RFC3: variants seen among roughly 807,000 people sequenced by gnomAD.
RFC3 encodes the protein replication factor C subunit 3, also known as A1 38 kDa subunit.
A neutral mutation model predicts 45.1 loss-of-function variants in RFC3; 41 were observed. That is an observed-to-expected ratio of 0.91 (90% confidence interval 0.71 to 1.18). The LOEUF (loss-of-function observed/expected upper bound fraction) is 1.18, where lower values mean the gene tolerates loss of function less well. Among genes scored for constraint, RFC3 ranks in the 50% most tolerant of loss-of-function variants. RFC3 has a pLI of 0.00. For missense variants in RFC3, 423 were observed against 428.1 expected (o/e 0.99, Z 0.10); for synonymous variants, 149 against 144.0 (o/e 1.03, Z -0.25).
intron 8 of RFC3, among the ~76,000 whole-genome samples, chr13:33,907,200 G>T (rs1223650719): frequency 2.0e-5 from 3 of 152,092 alleles, no homozygotes; most frequent in East Asian, 1.9e-4. Context: ...AATCATTTGT[G>T]GGGTAGAGAC....
At chr13:33,893,508 A>G (rs1185266186) in intron 8 of RFC3, among the ~76,000 whole-genome samples, 2 of 152,080 alleles carry the variant, frequency 1.3e-5, no homozygotes, top group African/African-American at 2.4e-5. Flanking sequence ...GGGTACTATG[A>G]CCTCTTCAAT....
At chr13:33,897,859 AAAATACAAC>A (rs2082611793) in intron 8 of RFC3, among the ~76,000 whole-genome samples, 1 of 152,076 alleles carries the variant, frequency 6.6e-6, no homozygotes, top group African/African-American at 2.4e-5. Context: ...AATCACCAAG[AAAATACAAC>A]AATTATAAAT....
chr13:33,833,170 A>G (rs2082119789), intron 7 of RFC3, among the ~76,000 whole-genome samples: 1 of 152,152 alleles, frequency 6.6e-6, no homozygotes, highest in Non-Finnish European at 1.5e-5. Context: ...CACAATTCCA[A>G]ATGATTACTT....
At chr13:33,976,652 T>C in the RFC3 span, among the ~76,000 whole-genome samples, 2 of 152,144 alleles carry the variant, frequency 1.3e-5, no homozygotes, top group African/African-American at 2.4e-5. Context: ...TGTATACAGG[T>C]ATCAAAATAT....
intron 4 of RFC3, among the ~76,000 whole-genome samples, chr13:33,826,844 C>T (rs2082053937): frequency 6.6e-6 from 1 of 151,880 alleles, no homozygotes; most frequent in African/African-American, 2.4e-5. Context: ...TTATGTTGGC[C>T]AACCCTCCAA....
chr13:33,848,426 A>G (rs1451964573), intron 8 of RFC3: 1 of 152,228 alleles, frequency 6.6e-6, no homozygotes, highest in African/African-American at 2.4e-5. Flanking sequence ...CCACATCCAG[A>G]CATGAGGTGC....
At chr13:33,886,755 G>A in intron 8 of RFC3, among the ~76,000 whole-genome samples, 1 of 144,286 alleles carries the variant, frequency 6.9e-6, no homozygotes, top group African/African-American at 2.6e-5. Flanking sequence ...TTTAGCATTA[G>A]GTATATCTCC....
At chr13:33,965,374 C>A (rs2083081243) in intron 8 of RFC3, among the ~76,000 whole-genome samples, 1 of 152,014 alleles carries the variant, frequency 6.6e-6, no homozygotes, top group African/African-American at 2.4e-5. Context: ...AATACCATTG[C>A]CAAGAGTATT....
At chr13:33,963,896 A>G (rs1201129876) in intron 8 of RFC3, among the ~76,000 whole-genome samples, 3 of 152,232 alleles carry the variant, frequency 2.0e-5, no homozygotes. Context: ...AATGTGAAAA[A>G]TGTGATAATC....
At chr13:33,858,885 ATC>A (rs925995557) in intron 8 of RFC3, among the ~76,000 whole-genome samples, 19 of 152,270 alleles carry the variant, frequency 1.2e-4, no homozygotes, top group African/African-American at 3.6e-4. Flanking sequence ...TTTCTTGGAC[ATC>A]TCTTTTTCTT....
chr13:33,899,371 G>A (rs1282028727), intron 8 of RFC3, among the ~76,000 whole-genome samples: 1 of 151,656 alleles, frequency 6.6e-6, no homozygotes, highest in Non-Finnish European at 1.5e-5. Flanking sequence ...ATGCAAGGAT[G>A]GTTCAACATA....
At chr13:33,922,299 A>G (rs1486935065) in intron 8 of RFC3, among the ~76,000 whole-genome samples, 1 of 152,102 alleles carries the variant, frequency 6.6e-6, no homozygotes, top group Non-Finnish European at 1.5e-5. Flanking sequence ...GATCAACACC[A>G]CAATCTAATT....
chr13:33,960,041 G>A (rs534119851), intron 8 of RFC3, among the ~76,000 whole-genome samples: 2 of 152,188 alleles, frequency 1.3e-5, no homozygotes, highest in African/African-American at 4.8e-5. Context: ...CAGCTCCCAT[G>A]TGAACTCACT....
intron 8 of RFC3, among the ~76,000 whole-genome samples, chr13:33,874,073 T>C (rs551641371): frequency 3.3e-5 from 5 of 152,228 alleles, no homozygotes; most frequent in African/African-American, 1.2e-4. Context: ...CATCCTACTT[T>C]GGGAATAACT....
At chr13:33,818,297 G>T in intron 1 of RFC3, 32 bp downstream of exon 1, 2 of 1,591,724 alleles carry the variant, frequency 1.3e-6, no homozygotes, top group Non-Finnish European at 1.7e-6. Context: ...GCGTGGGAGA[G>T]GGGAGGCCCC....
At chr13:33,860,489 A>G (rs2082334069) in intron 8 of RFC3, among the ~76,000 whole-genome samples, 1 of 151,994 alleles carries the variant, frequency 6.6e-6, no homozygotes. Context: ...AGGCATTCCC[A>G]GTTGCCTCCA....
At chr13:33,885,208 A>G (rs1352276784) in intron 8 of RFC3, among the ~76,000 whole-genome samples, 2 of 152,228 alleles carry the variant, frequency 1.3e-5, no homozygotes, top group Non-Finnish European at 2.9e-5. Flanking sequence ...GAATTCTATC[A>G]TGGTATCACA....
chr13:33,827,689 A>G (rs1566379732), intron 4 of RFC3, among the ~76,000 whole-genome samples: 1 of 152,230 alleles, frequency 6.6e-6, no homozygotes, highest in South Asian at 2.1e-4. Flanking sequence ...AACAATAACT[A>G]TGAATTAAGT....
intron 4 of RFC3, among the ~76,000 whole-genome samples, chr13:33,828,530 C>T (rs920034925): frequency 2.0e-5 from 3 of 152,196 alleles, no homozygotes; most frequent in African/African-American, 4.8e-5. Flanking sequence ...TCTCCCCCCT[C>T]GGTAAGACTG....
Sources: gnomAD v4.1 joint callset for allele counts (sites outside exome capture counted in the v4.1 genomes callset) on GRCh38, gnomAD v4.1.1 for gene constraint, MANE v1.5 for transcripts, NCBI Gene and HGNC (gene_info 2026-07-23, HGNC 2026-07-21) for gene names.